The following CCDC171 variants were observed in gnomAD, a reference collection of about 807,000 sequenced individuals.
CCDC171 encodes the protein coiled-coil domain containing 171.
In CCDC171, 177 loss-of-function variants were observed where a neutral mutation model predicts 168.2. The observed-to-expected ratio is 1.05, with a 90% CI of 0.93 to 1.19. CCDC171 has a LOEUF of 1.19. Among genes scored for constraint, CCDC171 ranks in the 50% most tolerant of loss-of-function variants. The pLI, the probability that CCDC171 is intolerant of heterozygous loss-of-function variation, is 0.00. For synonymous variants in CCDC171, 687 were observed against 540.8 expected (o/e 1.27, Z -3.75); for missense variants, 1,991 against 1,539.0 (o/e 1.29, Z -4.91).
At chr9:16,077,452 T>C in the CCDC171 span, among the ~76,000 whole-genome samples, 9 of 152,290 alleles carry the variant, frequency 5.9e-5, no homozygotes, top group East Asian at 1.4e-3. Context: ...TCCTTGACTT[T>C]AGGCTTGGCC....
intron 7 of CCDC171, among the ~76,000 whole-genome samples, chr9:15,626,104 G>C (rs1186117465): frequency 6.6e-6 from 1 of 151,628 alleles, no homozygotes; most frequent in Non-Finnish European, 1.5e-5. Context: ...TTCCACTCAT[G>C]ATATGGCTGT....
intron 4 of CCDC171, among the ~76,000 whole-genome samples, chr9:15,580,990 T>C (rs2041066459): frequency 6.6e-6 from 1 of 152,188 alleles, no homozygotes; most frequent in Admixed American, 6.5e-5. Context: ...GAAGTCACAT[T>C]GTCTCTGTTT....
chr9:15,639,139 T>C (rs1341210534), intron 7 of CCDC171, among the ~76,000 whole-genome samples: 1 of 152,064 alleles, frequency 6.6e-6, no homozygotes, highest in Non-Finnish European at 1.5e-5. Context: ...GTATTTTACC[T>C]TTCATAATTG....
intron 10 of CCDC171, among the ~76,000 whole-genome samples, chr9:15,693,567 A>G (rs2133743886): frequency 6.6e-6 from 1 of 152,316 alleles, no homozygotes; most frequent in Non-Finnish European, 1.5e-5. Context: ...AAAGTGAATC[A>G]TAATTGTGAT....
chr9:15,597,074 A>G (rs1212743730), intron 6 of CCDC171, among the ~76,000 whole-genome samples: 1 of 152,102 alleles, frequency 6.6e-6, no homozygotes, highest in Non-Finnish European at 1.5e-5. Flanking sequence ...CTAGTTATAC[A>G]ATCATGTCAT....
intron 21 of CCDC171, among the ~76,000 whole-genome samples, chr9:15,843,455 A>T (rs924874317): frequency 2.8e-4 from 42 of 151,526 alleles, no homozygotes; most frequent in African/African-American, 9.7e-4. Flanking sequence ...CAGGCTTTGA[A>T]TTTTTTTTTC....
At chr9:15,851,652 A>G (rs914316052) in intron 23 of CCDC171, among the ~76,000 whole-genome samples, 6 of 151,884 alleles carry the variant, frequency 4.0e-5, no homozygotes, top group Non-Finnish European at 8.8e-5. Context: ...AGTGGTTTTC[A>G]GTATGTGCAC....
chr9:15,780,633 G>C (rs2057615545), intron 20 of CCDC171, among the ~76,000 whole-genome samples: 1 of 152,168 alleles, frequency 6.6e-6, no homozygotes, highest in Non-Finnish European at 1.5e-5. Context: ...CATTTCGTGT[G>C]TATATATGTG....
chr9:15,977,980 T>A (rs1831673779), downstream of CCDC171, among the ~76,000 whole-genome samples: 1 of 151,888 alleles, frequency 6.6e-6, no homozygotes, highest in African/African-American at 2.4e-5. Context: ...CATTTTTGCC[T>A]TTTTCTTCAA....
chr9:15,727,382 T>C (rs374567922), intron 14 of CCDC171, among the ~76,000 whole-genome samples: 6 of 152,336 alleles, frequency 3.9e-5, no homozygotes, highest in African/African-American at 1.4e-4. Flanking sequence ...AAAGTACAGA[T>C]ATTGGTATAA....
chr9:15,858,734 C>G (rs541784621), intron 23 of CCDC171, among the ~76,000 whole-genome samples: 70 of 152,054 alleles, frequency 4.6e-4, no homozygotes, highest in African/African-American at 1.5e-3. Flanking sequence ...TCATAACAAT[C>G]TAGTTTGAAT....
chr9:15,718,918 C>T (rs1022433338), intron 11 of CCDC171, among the ~76,000 whole-genome samples: 4 of 152,150 alleles, frequency 2.6e-5, no homozygotes, highest in Non-Finnish European at 1.5e-5. Context: ...CGTCAATGCC[C>T]AGACACTGAA....
chr9:15,997,569 T>C (rs1161522062), intron 3 of CCDC171, among the ~76,000 whole-genome samples: 1 of 152,002 alleles, frequency 6.6e-6, no homozygotes, highest in Non-Finnish European at 1.5e-5. Flanking sequence ...TGAGGGGAAA[T>C]TTACCAGAGG....
chr9:15,705,133 C>G (rs60873458), intron 11 of CCDC171, among the ~76,000 whole-genome samples: 3,361 of 152,128 alleles, frequency 0.022, 132 homozygotes, highest in African/African-American at 0.077. Flanking sequence ...CTCACTCACT[C>G]AGATAACTAA....
chr9:15,732,670 AAAATTTTATCC>A (rs1275907607), intron 16 of CCDC171, among the ~76,000 whole-genome samples: 7 of 152,262 alleles, frequency 4.6e-5, no homozygotes, highest in African/African-American at 1.7e-4. Context: ...GTATGGCTGT[AAAATTTTATCC>A]AAATACTTGC....
intron 18 of CCDC171, among the ~76,000 whole-genome samples, chr9:15,750,648 C>T (rs946797021): frequency 1.2e-4 from 19 of 152,144 alleles, no homozygotes; most frequent in African/African-American, 4.6e-4. Context: ...AAACATAATC[C>T]ATCACAGAAA....
intron 18 of CCDC171, among the ~76,000 whole-genome samples, chr9:15,755,512 T>C (rs149709603): frequency 1.1e-4 from 17 of 152,244 alleles, no homozygotes; most frequent in African/African-American, 3.9e-4. Flanking sequence ...CATTTGCAAA[T>C]GTTCATAGCA....
In CCDC171 at chr9:15,623,475, G is replaced by GCGCGCGCGCGCGCGCACACACACACA; in HGVS notation, c.822+63_822+64insGCGCGCGCGCGCGCACACACACACAC. ...CAAACTTTCACATATGCGCGCGCGC[G>GCGCGCGCGCGCGCGCACACACACACA]CACACACACACACACACACACACAC... On this transcript the variant is annotated intron_variant, in intron 7 of 25. Coordinates refer to ENST00000380701, the MANE Select transcript of CCDC171 (RefSeq NM_173550.4). 1.0e-3 allele frequency: 320 copies of GCGCGCGCGCGCGCGCACACACACACA among 315,410 alleles called. 3 individuals carry two copies. The highest frequency in any genetic ancestry group is 2.4e-3 in the Admixed American group (48 of 19,758). The allele number at this position is 315,410 out of a possible 1,614,324, so 19.5% of individuals were successfully genotyped here.
chr9:15,696,814 A>G (rs1013770340), intron 11 of CCDC171, among the ~76,000 whole-genome samples: 22 of 152,206 alleles, frequency 1.4e-4, no homozygotes, highest in Non-Finnish European at 1.9e-4. Context: ...TTTAATTTTT[A>G]TTCTTTTATT....
Sources: allele counts gnomAD v4.1 joint callset (sites outside exome capture counted in the v4.1 genomes callset), GRCh38; gene constraint gnomAD v4.1.1; transcripts MANE v1.5; gene names NCBI Gene and HGNC (gene_info 2026-07-23, HGNC 2026-07-21).